The following FCGR2B variants were observed in gnomAD, a reference collection of about 807,000 sequenced individuals.
FCGR2B encodes Fc gamma receptor IIb.
Under a neutral mutation model 24.8 loss-of-function variants are expected in FCGR2B, and 18 were observed. That is an observed-to-expected ratio of 0.73 (90% confidence interval 0.50 to 1.08). The LOEUF is 1.08. Ranked by LOEUF, FCGR2B falls within the 50% of genes least tolerant of loss-of-function variation. FCGR2B has a pLI of 0.00. For synonymous variants in FCGR2B, 79 were observed against 109.8 expected (o/e 0.72, Z 1.75); for missense variants, 215 against 297.6 (o/e 0.72, Z 2.04).
chr1:161,675,272 C>T lies in FCGR2B; in HGVS notation c.776C>T (p.Pro259Leu), dbSNP rs762933360. 15 of 1,606,698 alleles carry T rather than the reference C, an allele frequency of 9.3e-6. No individual in the cohort carries two copies. Among genetic ancestry groups the T allele is most frequent in the Non-Finnish European group, 1.2e-5 (14 of 1,177,116 alleles). ...KKRISALPGY[P>L]ECREMGETLP... Reference sequence around the variant, plus strand: ...CCCCTCCCAGCTCTCCCAGGATACCCTGAGTGCAGGGAAATGGGAGAGACC... The same window carrying T: ...CCCCTCCCAGCTCTCCCAGGATACCTTGAGTGCAGGGAAATGGGAGAGACC... Residue 259 changes from proline to leucine, a missense_variant, in exon 6 of 8, where the codon CCT (proline) becomes CTT (leucine). Physicochemically the swap from Pro to Leu is moderately conservative, Grantham distance 98. This residue lies in a region of FCGR2B where 81 missense variants were observed against 81.6 expected (regional missense o/e 0.99). Coordinates refer to ENST00000358671, the MANE Select transcript of FCGR2B (RefSeq NM_001394477.1).
Position 161,677,348 on chromosome 1 carries a change from G to T in FCGR2B, c.838G>T (p.Glu280Ter). 1 of 1,613,704 alleles carries T rather than the reference G, an allele frequency of 6.2e-7. No individual in the cohort carries two copies. The highest frequency in any genetic ancestry group is 8.5e-7 in the Non-Finnish European group (1 of 1,179,886). Residue 280 changes from glutamate (E) to a stop codon, truncating the protein, a stop_gained, in exon 7 of 8, where the codon GAG becomes TAG. Transcript: ENST00000358671. LOFTEE classifies it high-confidence loss of function. ...EKPANPTNPDEADKVGAENTI... is the reference protein window; with the variant it reads ...EKPANPTNPD ...CACAGCCAATCCCACTAATCCTGAT[G>T]AGGCTGACAAAGTTGGGGTGAGTGA...
Position 161,677,509 on chromosome 1 carries a change from C to T in FCGR2B, c.889C>T (p.His297Tyr), listed in dbSNP as rs2102683319. The T allele has an allele frequency of 6.2e-7, 1 of 1,614,096 alleles. No individual in the cohort carries two copies. The highest frequency in any genetic ancestry group is 8.5e-7 in the Non-Finnish European group (1 of 1,179,954). Residue 297 changes from histidine (H) to tyrosine (Y), a missense_variant, in exon 8 of 8, where the codon CAC becomes TAC. Coordinates refer to ENST00000358671, the MANE Select transcript of FCGR2B (RefSeq NM_001394477.1). ...CACAATCACCTATTCACTTCTCATGCACCCGGATGCTCTGGAAGAGCCTGA... is the reference window on the plus strand; with the variant it reads ...CACAATCACCTATTCACTTCTCATGTACCCGGATGCTCTGGAAGAGCCTGA... ...ENTITYSLLMHPDALEEPDDQ... is the reference protein window; with the variant it reads ...ENTITYSLLMYPDALEEPDDQ...
upstream of FCGR2B, among the ~76,000 whole-genome samples, chr1:161,661,644 A>C (rs1407389584): frequency 1.7e-5 from 1 of 60,184 alleles, no homozygotes; most frequent in Non-Finnish European, 3.1e-5. Flanking sequence ...ACATGCTTAC[A>C]TAGTAACTAT....
In FCGR2B at chr1:161,677,845, A is replaced by C. The variant is rs1332089909; in HGVS notation, c.*292A>C. ...TTAATCAAACCACTGTTATTAACAG[A>C]TAATAGCAACTTGGGAAATGCTTAT... On this transcript the variant is annotated 3_prime_UTR_variant, in exon 8 of 8. Coordinates refer to ENST00000358671, the MANE Select transcript of FCGR2B (RefSeq NM_001394477.1). The C allele has an allele frequency of 2.7e-6, 1 of 375,400 alleles. No homozygotes were observed. Among genetic ancestry groups the C allele is most frequent in the African/African-American group, 2.1e-5 (1 of 48,238 alleles). 23.3% of individuals were successfully genotyped at this position (375,400 alleles called of 1,614,324 possible).
intron 1 of FCGR2B, among the ~76,000 whole-genome samples, chr1:161,669,574 CAAAAT>C (rs3039548): frequency 0.25 from 30,570 of 122,358 alleles, 5,673 homozygotes; most frequent in East Asian, 0.39. Context: ...TGTCCCCCCA[CAAAAT>C]AAAATAAAAT....
At chr1:161,671,180 C>T (rs548867935) in intron 2 of FCGR2B, among the ~76,000 whole-genome samples, 1 of 152,270 alleles carries the variant, frequency 6.6e-6, no homozygotes, top group South Asian at 2.1e-4. Flanking sequence ...TCCTTCTTCC[C>T]TGTTGCCCTG....
intron 6 of FCGR2B, chr1:161,676,997 AC>A (rs148086886): frequency 0.063 from 25,906 of 408,852 alleles, 1,183 homozygotes; most frequent in Middle Eastern, 0.1. Flanking sequence ...GATGCTGAAC[AC>A]CCCCCTCCCC....
chr1:161,676,631 T>A (rs1400895304), intron 6 of FCGR2B: 1 of 154,550 alleles, frequency 6.5e-6, no homozygotes, highest in African/African-American at 2.4e-5. Flanking sequence ...AGGCTCTCTA[T>A]GTTCAGGGGG....
intron 4 of FCGR2B, chr1:161,673,614 G>T: frequency 1.6e-6 from 1 of 641,174 alleles, no homozygotes. Context: ...GGCACGTCAT[G>T]GACCGTTCAA....
At chr1:161,674,416 G>A in intron 5 of FCGR2B, 1 of 374,776 alleles carries the variant, frequency 2.7e-6, no homozygotes, top group Admixed American at 3.7e-5. Context: ...GAAGTACAGA[G>A]GAGGCTCCAT....
the FCGR2B span, among the ~76,000 whole-genome samples, chr1:161,654,272 G>C: frequency 5.4e-5 from 7 of 130,638 alleles, 1 homozygote; most frequent in Admixed American, 8.0e-5. Flanking sequence ...GGCTTTTTCA[G>C]TGATCCTAGA....
At chr1:161,652,045 AGTGTGTGTGTGTGTGTGT>A in the FCGR2B span, among the ~76,000 whole-genome samples, 5 of 104,642 alleles carry the variant, frequency 4.8e-5, no homozygotes, top group South Asian at 3.8e-4. Flanking sequence ...TATGTTTAGG[AGTGTGTGTGTGTGTGTGT>A]GTGTGTGTGT....
chr1:161,676,835 C>T (rs72704062), intron 6 of FCGR2B: 1 of 167,136 alleles, frequency 6.0e-6, no homozygotes, highest in African/African-American at 2.4e-5. Context: ...CTCCCTTTCT[C>T]ACTCACTCTC....
intron 6 of FCGR2B, 130 bp downstream of exon 6, chr1:161,675,443 G>A (rs1162385417): frequency 2.4e-5 from 15 of 613,898 alleles, no homozygotes; most frequent in African/African-American, 7.8e-5. Flanking sequence ...GAGGATGGCT[G>A]GGGCTCAAAT....
At position 161,677,811 on chromosome 1, in the gene FCGR2B, CCAA is replaced by C; in HGVS notation, c.*259_*261del. On this transcript the variant is annotated 3_prime_UTR_variant, in exon 8 of 8. Coordinates refer to ENST00000358671, the MANE Select transcript of FCGR2B (RefSeq NM_001394477.1). ...GCTCTTCCGTTCCACATCCACACAGCCAATCCAATTAATCAAACCACTGTTATT... is the reference window on the plus strand; with the variant it reads ...GCTCTTCCGTTCCACATCCACACAGCTCCAATTAATCAAACCACTGTTATT... 1 of 471,756 alleles carries C rather than the reference CCAA, an allele frequency of 2.1e-6. No homozygotes were observed. The highest frequency in any genetic ancestry group is 3.7e-6 in the Non-Finnish European group (1 of 267,870). The allele number at this position is 471,756 out of a possible 1,614,324, so 29.2% of individuals were successfully genotyped here.
intron 4 of FCGR2B, chr1:161,673,693 C>G: frequency 2.0e-6 from 1 of 493,536 alleles, no homozygotes; most frequent in East Asian, 3.4e-5. Flanking sequence ...CCCACTGCCC[C>G]TGAGGGCTAA....
upstream of FCGR2B, among the ~76,000 whole-genome samples, chr1:161,661,288 G>C (rs12042987): frequency 1.4e-5 from 2 of 138,850 alleles, no homozygotes; most frequent in East Asian, 2.3e-4. Flanking sequence ...GGAAGAAAGA[G>C]AGAGAAAGAA....
At chr1:161,653,219 G>C in the FCGR2B span, among the ~76,000 whole-genome samples, 1 of 132,950 alleles carries the variant, frequency 7.5e-6, no homozygotes, top group South Asian at 2.7e-4. Context: ...GCCTGGCCAA[G>C]ATGGTGAAAT....
At chr1:161,669,627 CAACATAGA>C (rs1327450616) in intron 1 of FCGR2B, among the ~76,000 whole-genome samples, 1 of 125,648 alleles carries the variant, frequency 8.0e-6, no homozygotes, top group Non-Finnish European at 1.8e-5. Flanking sequence ...AATAAAATGA[CAACATAGA>C]AACAGATTCA....
Sources: gnomAD v4.1 joint callset for allele counts (sites outside exome capture counted in the v4.1 genomes callset) on GRCh38, gnomAD v4.1.1 for gene constraint, gnomAD v4.1.1 regional missense constraint, MANE v1.5 for transcripts, NCBI Gene and HGNC (gene_info 2026-07-23, HGNC 2026-07-21) for gene names.